The following KIF5C variants were observed in gnomAD, a reference collection of about 807,000 sequenced individuals.
KIF5C encodes the protein kinesin family member 5C.
KIF5C carries 18 observed loss-of-function variants against 125.2 expected under a neutral mutation model. The ratio of observed to expected loss-of-function variants is 0.14; its 90% CI spans 0.10 to 0.21. The LOEUF (loss-of-function observed/expected upper bound fraction) is 0.21. Ranked by LOEUF, KIF5C falls within the 10% of genes least tolerant of loss-of-function variation. The pLI, the probability that KIF5C is intolerant of heterozygous loss-of-function variation, is 1.00. For missense variants in KIF5C, 780 were observed against 1,183.8 expected (o/e 0.66, Z 5.01); for synonymous variants, 405 against 434.0 (o/e 0.93, Z 0.83).
intron 2 of KIF5C, among the ~76,000 whole-genome samples, chr2:148,927,176 GAGTT>G (rs1337552482): frequency 6.6e-6 from 1 of 152,202 alleles, no homozygotes; most frequent in Non-Finnish European, 1.5e-5. Flanking sequence ...GATGGAGTAA[GAGTT>G]AGTGGGATTG....
intron 25 of KIF5C, among the ~76,000 whole-genome samples, chr2:149,014,411 C>T (rs944283162): frequency 3.3e-5 from 5 of 152,220 alleles, no homozygotes; most frequent in Non-Finnish European, 7.3e-5. Context: ...ACCTTCTCCA[C>T]ACAGCTTCAG....
chr2:148,887,342 A>C (rs1289879646), intron 1 of KIF5C, among the ~76,000 whole-genome samples: 11 of 152,070 alleles, frequency 7.2e-5, no homozygotes, highest in Admixed American at 7.2e-4. Context: ...GCACGGCTCT[A>C]ACATTTAGAT....
chr2:148,971,745 G>C (rs944048626), intron 11 of KIF5C, among the ~76,000 whole-genome samples: 1 of 152,116 alleles, frequency 6.6e-6, no homozygotes, highest in Non-Finnish European at 1.5e-5. Context: ...TTAACACGGA[G>C]GCCCCATGTA....
intron 1 of KIF5C, among the ~76,000 whole-genome samples, chr2:148,914,741 A>G (rs1681477609): frequency 1.3e-5 from 2 of 152,338 alleles, no homozygotes; most frequent in Admixed American, 1.3e-4. Flanking sequence ...GCCTTGGGGC[A>G]TGGAGCCAGT....
chr2:149,025,535 C>T lies in KIF5C; in HGVS notation c.*2465C>T, dbSNP rs1351113397. On this transcript the variant is annotated 3_prime_UTR_variant, in exon 26 of 26. Transcript: ENST00000435030. ...CTCCCTGTACTTTAAATGTAAAAAC[C>T]ACACTTCTGAACAACTAAGCTCATG... 6.6e-6 allele frequency: 1 copy of T among 152,306 alleles called. No individual in the cohort carries two copies. The highest frequency in any genetic ancestry group is 1.5e-5 in the Non-Finnish European group (1 of 68,032). The allele number at this position is 152,306 out of a possible 1,614,324, so 9.4% of individuals were successfully genotyped here.
chr2:148,907,114 A>C (rs1159328221), intron 1 of KIF5C, among the ~76,000 whole-genome samples: 1 of 152,228 alleles, frequency 6.6e-6, no homozygotes, highest in African/African-American at 2.4e-5. Context: ...TGAAGGTGGC[A>C]GCTGCTTTTC....
intron 2 of KIF5C, among the ~76,000 whole-genome samples, chr2:148,926,068 G>C (rs1411416758): frequency 6.6e-6 from 1 of 152,142 alleles, no homozygotes; most frequent in Non-Finnish European, 1.5e-5. Context: ...CTGGAGAGTC[G>C]GTAGGAAGCC....
intron 1 of KIF5C, chr2:148,878,081 A>C (rs1681244537): frequency 6.6e-6 from 1 of 152,202 alleles, no homozygotes. Flanking sequence ...TTCTAAGGTA[A>C]ACTTTTTATT....
chr2:148,930,555 C>G (rs998596799), intron 3 of KIF5C, among the ~76,000 whole-genome samples: 1 of 152,126 alleles, frequency 6.6e-6, no homozygotes, highest in African/African-American at 2.4e-5. Flanking sequence ...AGCACTGAGA[C>G]GGCTGCTGCA....
At chr2:148,958,446 A>G (rs1225873963) in intron 10 of KIF5C, among the ~76,000 whole-genome samples, 2 of 152,154 alleles carry the variant, frequency 1.3e-5, no homozygotes, top group Non-Finnish European at 2.9e-5. Flanking sequence ...GATGTTAAAC[A>G]CCTTTTCAGG....
intron 1 of KIF5C, among the ~76,000 whole-genome samples, chr2:148,913,358 C>T (rs1166840469): frequency 6.6e-6 from 1 of 152,144 alleles, no homozygotes; most frequent in Non-Finnish European, 1.5e-5. Flanking sequence ...AGTTGATATT[C>T]TTGTCTGACC....
At chr2:149,022,266 A>G (rs1246534310) in intron 25 of KIF5C, among the ~76,000 whole-genome samples, 1 of 152,192 alleles carries the variant, frequency 6.6e-6, no homozygotes, top group Non-Finnish European at 1.5e-5. Context: ...CTGAATATCC[A>G]TAGCCTCAAC....
chr2:149,011,080 T>C (rs1001461007), intron 24 of KIF5C, among the ~76,000 whole-genome samples: 1 of 151,988 alleles, frequency 6.6e-6, no homozygotes, highest in Non-Finnish European at 1.5e-5. Flanking sequence ...TGTAGATGTA[T>C]TGCAAACCAG....
At chr2:148,915,936 A>G (rs1212202979) in intron 1 of KIF5C, among the ~76,000 whole-genome samples, 1 of 152,174 alleles carries the variant, frequency 6.6e-6, no homozygotes, top group Non-Finnish European at 1.5e-5. Context: ...CATGGGAGCT[A>G]AAGTATTGAC....
At position 149,021,554 on chromosome 2, in the gene KIF5C, G is replaced by A. The variant is rs1021755106; in HGVS notation, c.*8-1524G>A. 2.6e-5 allele frequency among the ~76,000 whole-genome samples: 4 copies of A among 151,950 alleles called. No individual in the cohort carries two copies. In the East Asian group the frequency reaches 7.7e-4, roughly 29 times the overall value. On this transcript the variant is annotated intron_variant, in intron 25 of 25. Transcript: ENST00000435030. ...TGCTGATTTATGCAAAATATGTGAG[G>A]TTGCTTACAATATTATAACATATAA...
Position 148,933,504 on chromosome 2 carries a change from TAC to T in KIF5C, c.292-3774_292-3773del, listed in dbSNP as rs1682220849. Among the ~76,000 whole-genome samples the T allele has an allele frequency of 3.4e-5, 5 of 148,962 alleles. No individual in the cohort carries two copies. The South Asian group carries it at 1.1e-3, about 32-fold the overall frequency. On this transcript the variant is annotated intron_variant, in intron 3 of 25. Coordinates refer to ENST00000435030, the MANE Select transcript of KIF5C (RefSeq NM_004522.3). ...CAGACATATGCACACCACGCACATA[TAC>T]ACACAGACACACCACACACCACATA...
At chr2:148,942,887 C>T (rs1682439743) in intron 7 of KIF5C, 127 bp downstream of exon 7, 11 of 1,477,526 alleles carry the variant, frequency 7.4e-6, no homozygotes, top group South Asian at 2.5e-5. Context: ...GAGCAGTGCT[C>T]GGACACAGAC....
chr2:148,909,576 G>A (rs986182016), intron 1 of KIF5C, among the ~76,000 whole-genome samples: 31 of 152,188 alleles, frequency 2.0e-4, no homozygotes, highest in Non-Finnish European at 3.8e-4. Flanking sequence ...GCAGTAAGAC[G>A]AGAAACCCTA....
At chr2:148,911,766 T>C (rs1347286231) in intron 1 of KIF5C, among the ~76,000 whole-genome samples, 1 of 152,226 alleles carries the variant, frequency 6.6e-6, no homozygotes, top group African/African-American at 2.4e-5. Context: ...TGCCAGTAAG[T>C]GGCCCTTCAG....
Sources: allele counts gnomAD v4.1 joint callset (sites outside exome capture counted in the v4.1 genomes callset), GRCh38; gene constraint gnomAD v4.1.1; transcripts MANE v1.5; gene names NCBI Gene and HGNC (gene_info 2026-07-23, HGNC 2026-07-21).